The following KCNJ3 variants were observed in gnomAD, a reference collection of about 807,000 sequenced individuals.
KCNJ3 encodes the protein G protein-activated inward rectifier potassium channel 1.
In KCNJ3, 4 loss-of-function variants were observed where a neutral mutation model predicts 39.2. The observed-to-expected ratio is 0.10, with a 90% CI of 0.05 to 0.23. The LOEUF is 0.23. KCNJ3 is among the 10% of genes least tolerant of loss of function. The pLI, the probability that KCNJ3 is intolerant of heterozygous loss-of-function variation, is 1.00. For synonymous variants in KCNJ3, 230 were observed against 237.4 expected (o/e 0.97, Z 0.29); for missense variants, 276 against 634.9 (o/e 0.43, Z 6.08).
intron 2 of KCNJ3, among the ~76,000 whole-genome samples, chr2:154,831,241 A>ATAAG: frequency 6.6e-6 from 1 of 152,266 alleles, no homozygotes; most frequent in African/African-American, 2.4e-5. Context: ...TTTTCAGGTG[A>ATAAG]TAAGTACAGT....
chr2:154,789,202 T>A (rs16838180), intron 2 of KCNJ3, among the ~76,000 whole-genome samples: 9,572 of 152,110 alleles, frequency 0.063, 346 homozygotes, highest in African/African-American at 0.09. Context: ...GATTTTTTAA[T>A]CAACAAATCC....
At chr2:154,836,954 G>T (rs1687476286) in intron 2 of KCNJ3, among the ~76,000 whole-genome samples, 1 of 152,150 alleles carries the variant, frequency 6.6e-6, no homozygotes, top group Non-Finnish European at 1.5e-5. Flanking sequence ...ATGAGTTGGG[G>T]TAAAACAATT....
chr2:154,812,473 G>C (rs1014425400), intron 2 of KCNJ3, among the ~76,000 whole-genome samples: 2 of 152,076 alleles, frequency 1.3e-5, no homozygotes, highest in Non-Finnish European at 2.9e-5. Context: ...AAGCTTTCCT[G>C]ATCTACCATT....
chr2:154,760,687 A>G lies in KCNJ3; in HGVS notation c.919+50868A>G, dbSNP rs185857012. ...TTTCACTTCAGCCTCCCAAGTAGCTAGGATTACAGGCTCATGCCAACACCC... is the reference window on the plus strand; with the variant it reads ...TTTCACTTCAGCCTCCCAAGTAGCTGGGATTACAGGCTCATGCCAACACCC... On this transcript the variant is annotated intron_variant, in intron 2 of 2. Transcript: ENST00000295101. 2.1e-3 allele frequency among the ~76,000 whole-genome samples: 318 copies of G among 149,788 alleles called. 1 individual carries two copies. Among genetic ancestry groups the G allele is most frequent in the Middle Eastern group, 3.5e-3 (1 of 282 alleles).
chr2:154,819,099 C>A (rs1371441038), intron 2 of KCNJ3, among the ~76,000 whole-genome samples: 1 of 151,340 alleles, frequency 6.6e-6, no homozygotes, highest in Non-Finnish European at 1.5e-5. Flanking sequence ...GAGTTCGAGA[C>A]CAGCCTGAGA....
intron 2 of KCNJ3, among the ~76,000 whole-genome samples, chr2:154,816,194 T>TA (rs1196464178): frequency 6.6e-6 from 1 of 152,160 alleles, no homozygotes; most frequent in Non-Finnish European, 1.5e-5. Context: ...ATCAAACAGT[T>TA]AAAAAATTTT....
At chr2:154,843,124 C>A (rs2961980) in intron 2 of KCNJ3, among the ~76,000 whole-genome samples, 30,546 of 152,064 alleles carry the variant, frequency 0.2, 3,376 homozygotes, top group East Asian at 0.4. Flanking sequence ...TCTTGTAGGG[C>A]AGGCCTGGTG....
chr2:154,780,840 G>T (rs941690940), intron 2 of KCNJ3, among the ~76,000 whole-genome samples: 5 of 152,126 alleles, frequency 3.3e-5, no homozygotes, highest in African/African-American at 1.2e-4. Context: ...GGTCCTTTGT[G>T]GTAGGAAGAA....
At chr2:154,772,556 A>C (rs1686260948) in intron 2 of KCNJ3, among the ~76,000 whole-genome samples, 1 of 152,140 alleles carries the variant, frequency 6.6e-6, no homozygotes, top group Non-Finnish European at 1.5e-5. Context: ...TTGAAATAGG[A>C]CTTTTGAAAG....
chr2:154,826,309 C>A (rs1687271274), intron 2 of KCNJ3, among the ~76,000 whole-genome samples: 1 of 152,182 alleles, frequency 6.6e-6, no homozygotes, highest in Non-Finnish European at 1.5e-5. Context: ...GAATACACAG[C>A]AGTTTGGCTA....
intron 1 of KCNJ3, among the ~76,000 whole-genome samples, chr2:154,704,329 G>A (rs1270586358): frequency 2.0e-5 from 3 of 151,980 alleles, no homozygotes; most frequent in Non-Finnish European, 4.4e-5. Flanking sequence ...AGGGTATTTG[G>A]CGAGTAGGAG....
intron 2 of KCNJ3, among the ~76,000 whole-genome samples, chr2:154,790,121 C>T (rs150228163): frequency 1.4e-4 from 21 of 151,980 alleles, no homozygotes; most frequent in Admixed American, 2.0e-4. Flanking sequence ...GACAGATAAA[C>T]GACAGAGAGA....
At chr2:154,839,419 G>C (rs1392945861) in intron 2 of KCNJ3, among the ~76,000 whole-genome samples, 5 of 152,138 alleles carry the variant, frequency 3.3e-5, no homozygotes, top group African/African-American at 9.7e-5. Flanking sequence ...CTTTATAGTA[G>C]CATGGTTTAT....
chr2:154,699,879 G>C lies in KCNJ3; in HGVS notation c.702+402G>C, dbSNP rs1262379748. Among the ~76,000 whole-genome samples, 1 of 152,106 alleles carries C rather than the reference G, an allele frequency of 6.6e-6. No homozygotes were observed. The highest frequency in any genetic ancestry group is 1.5e-5 in the Non-Finnish European group (1 of 68,028). ...CAATGCGAGGTACTAGAACTCAACT[G>C]AACAGCTGTTATTTTGAAGAAATAG... On this transcript the variant is annotated intron_variant, in intron 1 of 2. Coordinates refer to ENST00000295101, the MANE Select transcript of KCNJ3 (RefSeq NM_002239.4). The surrounding 1 kb of genome is among the most constrained non-coding windows in gnomAD (Gnocchi z 6.4).
At chr2:154,706,201 T>G (rs1343492174) in intron 1 of KCNJ3, among the ~76,000 whole-genome samples, 1 of 152,124 alleles carries the variant, frequency 6.6e-6, no homozygotes, top group Non-Finnish European at 1.5e-5. Flanking sequence ...CCATATCAAT[T>G]TATACATTTG....
At chr2:154,840,178 A>G (rs1294408677) in intron 2 of KCNJ3, among the ~76,000 whole-genome samples, 3 of 152,292 alleles carry the variant, frequency 2.0e-5, no homozygotes, top group East Asian at 3.9e-4. Flanking sequence ...TCCCAGCACC[A>G]TTTATTAAAT....
intron 2 of KCNJ3, among the ~76,000 whole-genome samples, chr2:154,847,580 T>C (rs2105136253): frequency 7.9e-6 from 1 of 125,954 alleles, no homozygotes; most frequent in East Asian, 8.1e-4. Flanking sequence ...TTGGTTAAAT[T>C]TTCAGGATTT....
At chr2:154,741,672 T>G (rs1470089405) in intron 2 of KCNJ3, among the ~76,000 whole-genome samples, 1 of 151,914 alleles carries the variant, frequency 6.6e-6, no homozygotes, top group African/African-American at 2.4e-5. Flanking sequence ...GAAGATTGAC[T>G]TGAGGTTTAT....
In KCNJ3 at chr2:154,780,055, G is replaced by T. The variant is rs139554274; in HGVS notation, c.919+70236G>T. ...CTAATAACAGTATGTCATGTACTGTGGGAATACAGAGAATGAAATGTACTA... is the reference window on the plus strand; with the variant it reads ...CTAATAACAGTATGTCATGTACTGTTGGAATACAGAGAATGAAATGTACTA... On this transcript the variant is annotated intron_variant, in intron 2 of 2. Coordinates refer to ENST00000295101, the MANE Select transcript of KCNJ3 (RefSeq NM_002239.4). Among the ~76,000 whole-genome samples the T allele has an allele frequency of 2.8e-4, 43 of 152,190 alleles. 1 individual carries two copies. In the East Asian group the frequency reaches 7.5e-3, roughly 27 times the overall value.
Sources: allele counts gnomAD v4.1 joint callset (sites outside exome capture counted in the v4.1 genomes callset), GRCh38; gene constraint gnomAD v4.1.1; non-coding constraint Gnocchi (gnomAD v3.1); transcripts MANE v1.5; gene names NCBI Gene and HGNC (gene_info 2026-07-23, HGNC 2026-07-21).